The following FLT1 variants were observed in gnomAD, a reference collection of about 807,000 sequenced individuals.
FLT1 encodes fms related receptor tyrosine kinase 1.
Under a neutral mutation model 156.3 loss-of-function variants are expected in FLT1, and 49 were observed. The observed-to-expected ratio is 0.31, with a 90% CI of 0.25 to 0.40. The LOEUF is 0.40. Ranked by LOEUF, FLT1 falls within the 10% of genes least tolerant of loss-of-function variation. The probability of loss-of-function intolerance (pLI) is 1.00; values close to 1 mark genes in which losing one functional copy is unlikely to be tolerated. For synonymous variants in FLT1, 594 were observed against 583.8 expected, an observed-to-expected ratio of 1.02 and a Z score of -0.25; for missense variants, 1,322 against 1,637.2, an observed-to-expected ratio of 0.81 and a Z score of 3.32.
At chr13:28,457,431 T>C (rs1879329561) in intron 3 of FLT1, among the ~76,000 whole-genome samples, 1 of 152,272 alleles carries the variant, frequency 6.6e-6, no homozygotes, top group South Asian at 2.1e-4. Flanking sequence ...GTTTCAACTG[T>C]AGCTTATTAA....
chr13:28,320,307 ATTTTTATT>A (rs1312337907), intron 23 of FLT1, among the ~76,000 whole-genome samples: 2 of 152,092 alleles, frequency 1.3e-5, no homozygotes, highest in African/African-American at 4.8e-5. Flanking sequence ...GTTTTCCTTT[ATTTTTATT>A]TTTTTATTTT....
chr13:28,408,600 C>A (rs1271066872), intron 10 of FLT1, among the ~76,000 whole-genome samples: 1 of 152,102 alleles, frequency 6.6e-6, no homozygotes, highest in African/African-American at 2.4e-5. Flanking sequence ...TTTGAAGATG[C>A]AAAGATAATC....
At position 28,357,568 on chromosome 13, in the gene FLT1, T is replaced by G. The variant is rs1872944491; in HGVS notation, c.2234A>C (p.Tyr745Ser). Residue 745 changes from tyrosine to serine, a missense_variant, in exon 15 of 30, where the codon TAC becomes TCC. Transcript: ENST00000282397. ...CAGCTGTTTACCTTGAACAGTGAGG[T>G]ATGCTGAACTTTCCACAGAGCCCTT... The part of the protein sequence containing the change: ...NQKGSVESSA[Y>S]LTVQGTSDKS... 1 of 1,613,980 alleles carries G rather than the reference T, an allele frequency of 6.2e-7. No individual in the cohort carries two copies. Among genetic ancestry groups the G allele is most frequent in the African/African-American group, 1.3e-5 (1 of 74,916 alleles).
rs1871734324 is a variant in FLT1, at chr13:28,327,518, A to G, written c.2740T>C (p.Tyr914His). 1.9e-6 allele frequency: 3 copies of G among 1,613,644 alleles called. No homozygotes were observed. In the East Asian group the frequency reaches 6.7e-5, roughly 36 times the overall value. Residue 914 changes from tyrosine to histidine, a missense_variant, in exon 20 of 30, where the codon TAT (tyrosine) becomes CAT (histidine). This residue lies in a region of FLT1 where 991 missense variants were observed against 1,254.8 expected (regional missense o/e 0.79). Coordinates refer to ENST00000282397, the MANE Select transcript of FLT1 (RefSeq NM_002019.4). ...TTGAGGTAGTTGGAGAGATTTCCAT[A>G]TTTGCAGTATTCAACAATCACCATC... ...PLMVIVEYCK[Y>H]GNLSNYLKSK...
intron 17 of FLT1, among the ~76,000 whole-genome samples, chr13:28,336,882 G>A (rs1255524435): frequency 6.6e-6 from 1 of 151,676 alleles, no homozygotes; most frequent in African/African-American, 2.4e-5. Flanking sequence ...TGAGTAGCTG[G>A]GACTACAGGC....
chr13:28,487,495 C>T (rs1280352185), intron 1 of FLT1, among the ~76,000 whole-genome samples: 1 of 152,324 alleles, frequency 6.6e-6, no homozygotes, highest in Non-Finnish European at 1.5e-5. Flanking sequence ...ATTTGTGCTC[C>T]ACCCATTAAA....
At chr13:28,397,480 A>G (rs1248338091) in intron 11 of FLT1, among the ~76,000 whole-genome samples, 1 of 152,192 alleles carries the variant, frequency 6.6e-6, no homozygotes, top group Non-Finnish European at 1.5e-5. Flanking sequence ...CAGTTATAAC[A>G]GGAGCCTTCT....
intron 10 of FLT1, 132 bp from the exon 11 acceptor site, chr13:28,406,026 T>G: frequency 1.5e-6 from 1 of 679,108 alleles, no homozygotes; most frequent in Admixed American, 2.3e-5. Flanking sequence ...TTCTTTTCCT[T>G]AGATTTTTTC....
At chr13:28,494,502 C>T (rs1231053179) in intron 1 of FLT1, among the ~76,000 whole-genome samples, 1 of 152,170 alleles carries the variant, frequency 6.6e-6, no homozygotes, top group Non-Finnish European at 1.5e-5. Context: ...AAGGGATCAG[C>T]GATCCTGTCG....
chr13:28,410,743 C>A (rs950391034), intron 10 of FLT1, among the ~76,000 whole-genome samples: 3 of 152,200 alleles, frequency 2.0e-5, no homozygotes, highest in African/African-American at 7.2e-5. Context: ...TCAATTAGTT[C>A]TCACAGTCAC....
In FLT1 at chr13:28,479,829, T is replaced by C. The variant is rs529048159; in HGVS notation, c.65-12212A>G. On this transcript the variant is annotated intron_variant, in intron 1 of 29. Coordinates refer to ENST00000282397, the MANE Select transcript of FLT1 (RefSeq NM_002019.4). The stretch of plus-strand genomic sequence containing the variant: ...ACTTTATTTCTAGAAATTAGCTTTT[T>C]TAAAAATATCATCCAAGACATTATA... Among the ~76,000 whole-genome samples, 49 of 152,296 alleles carry C rather than the reference T, an allele frequency of 3.2e-4. 1 individual carries two copies. In the South Asian group the frequency reaches 9.9e-3, roughly 31 times the overall value.
intron 3 of FLT1, among the ~76,000 whole-genome samples, chr13:28,448,716 T>C (rs1878753966): frequency 1.3e-5 from 2 of 152,336 alleles, no homozygotes; most frequent in East Asian, 3.9e-4. Context: ...TACAAACCAC[T>C]GAATCATCAT....
intron 12 of FLT1, among the ~76,000 whole-genome samples, chr13:28,391,559 G>A (rs1024799355): frequency 2.0e-5 from 3 of 152,220 alleles, no homozygotes; most frequent in Non-Finnish European, 4.4e-5. Flanking sequence ...GATGTCTCAT[G>A]TCTCCTTGAA....
At chr13:28,312,511 T>TAA (rs201861045) in intron 25 of FLT1, among the ~76,000 whole-genome samples, 125 of 143,812 alleles carry the variant, frequency 8.7e-4, no homozygotes, top group African/African-American at 2.9e-3. Context: ...TCCTTAAAGT[T>TAA]AAAAAAAAAA....
At chr13:28,378,336 C>A (rs983407721) in intron 14 of FLT1, among the ~76,000 whole-genome samples, 1 of 152,108 alleles carries the variant, frequency 6.6e-6, no homozygotes. Context: ...CATGAGCCAG[C>A]GTGCCTGACC....
In FLT1 at chr13:28,390,128, TC is replaced by T. The variant is rs558387638; in HGVS notation, c.1661-25del. The T allele has an allele frequency of 1.4e-4, 225 of 1,607,910 alleles. 1 individual carries two copies. The African/African-American group carries it at 2.9e-3, about 21-fold the overall frequency. ...ATCTATAAAATAAGAATAAAGAACT[TC>T]AGTTCACAGAAAAATCAGTGTCTTT... is the stretch of plus-strand genomic sequence containing the variant. On this transcript the variant is annotated intron_variant, in intron 12 of 29. Transcript: ENST00000282397.
At chr13:28,464,278 C>G (rs1440478956) in intron 3 of FLT1, among the ~76,000 whole-genome samples, 1 of 152,194 alleles carries the variant, frequency 6.6e-6, no homozygotes, top group East Asian at 1.9e-4. Flanking sequence ...TAATGTCCAA[C>G]AAATTATGCA....
At chr13:28,304,911 A>G (rs1161353901) in intron 29 of FLT1, among the ~76,000 whole-genome samples, 1 of 152,204 alleles carries the variant, frequency 6.6e-6, no homozygotes, top group East Asian at 1.9e-4. Context: ...GATATACCAT[A>G]CTTTATTCAT....
chr13:28,353,070 G>A (rs117157539), intron 15 of FLT1, among the ~76,000 whole-genome samples: 1 of 152,252 alleles, frequency 6.6e-6, no homozygotes, highest in South Asian at 2.1e-4. Context: ...AAGTGACAAC[G>A]TGCAATCGTT....
Sources: gnomAD v4.1 joint callset for allele counts (sites outside exome capture counted in the v4.1 genomes callset) on GRCh38, gnomAD v4.1.1 for gene constraint, gnomAD v4.1.1 regional missense constraint, MANE v1.5 for transcripts, NCBI Gene and HGNC (gene_info 2026-07-23, HGNC 2026-07-21) for gene names.